RAB1B: variants seen among roughly 807,000 people sequenced by gnomAD.
The protein encoded by RAB1B is ras-related protein Rab-1B.
Under a neutral mutation model 24.8 loss-of-function variants are expected in RAB1B, and 10 were observed. The observed-to-expected ratio is 0.40, with a 90% CI of 0.25 to 0.68. The LOEUF (loss-of-function observed/expected upper bound fraction) is 0.68. Among genes scored for constraint, RAB1B ranks in the 30% least tolerant of loss-of-function variants. The pLI is 0.37. For synonymous variants in RAB1B, 99 were observed against 111.7 expected (o/e 0.89, Z 0.72); for missense variants, 154 against 271.2 (o/e 0.57, Z 3.04).
chr11:66,268,793 G>A (rs1856988452), intron 1 of RAB1B, 100 bp downstream of exon 1: 19 of 1,150,856 alleles, frequency 1.7e-5, no homozygotes, highest in Non-Finnish European at 2.0e-5. Context: ...ACTGTGCGGC[G>A]CCCCCACATC....
chr11:66,272,821 T>C (rs1025381991), intron 4 of RAB1B, among the ~76,000 whole-genome samples: 2 of 152,160 alleles, frequency 1.3e-5, no homozygotes, highest in African/African-American at 2.4e-5. Context: ...GGCCTGTGGC[T>C]TCCTGTGTGA....
rs181942452 is a variant in RAB1B, at chr11:66,276,248, A to T, written c.*10A>T. On this transcript the variant is annotated 3_prime_UTR_variant, in exon 6 of 6. Coordinates refer to ENST00000311481, the MANE Select transcript of RAB1B (RefSeq NM_030981.3). ...CGGTGGCTGTTGCTAGGAGGGGCAC[A>T]TGGAGTGGGACAGGAGGGGGCACCT... is the stretch of plus-strand genomic sequence containing the variant. The T allele has an allele frequency of 6.3e-7, 1 of 1,577,612 alleles. No homozygotes were observed. Among genetic ancestry groups the T allele is most frequent in the Non-Finnish European group, 8.6e-7 (1 of 1,166,066 alleles).
In RAB1B at chr11:66,276,515, A is replaced by G. The variant is rs368927222; in HGVS notation, c.*277A>G. The G allele has an allele frequency of 4.8e-6, 2 of 418,786 alleles. No individual in the cohort carries two copies. The highest frequency in any genetic ancestry group is 4.2e-5 in the African/African-American group (2 of 47,920). 25.9% of individuals were successfully genotyped at this position (418,786 alleles called of 1,614,324 possible). A position where few individuals can be genotyped will look rare whatever the true frequency, so the allele number is the denominator to read the frequency against. On this transcript the variant is annotated 3_prime_UTR_variant, in exon 6 of 6. Transcript: ENST00000311481. Reference sequence around the variant, plus strand: ...GACTTTCCAAGATGCCCCCCTACACACCTTTCTTTGGAACGAGGGCTCTTC... The same window carrying G: ...GACTTTCCAAGATGCCCCCCTACACGCCTTTCTTTGGAACGAGGGCTCTTC...
chr11:66,274,224 C>G (rs945120139), intron 4 of RAB1B, among the ~76,000 whole-genome samples: 5 of 152,190 alleles, frequency 3.3e-5, no homozygotes, highest in African/African-American at 7.2e-5. Context: ...CGAGTCCCCT[C>G]TATTCTCTCC....
At chr11:66,271,595 C>G (rs1314240948) in intron 1 of RAB1B, 6 of 485,964 alleles carry the variant, frequency 1.2e-5, no homozygotes, top group Non-Finnish European at 2.2e-5. Context: ...ACTTTGAGCC[C>G]GCAAGGTAGA....
At chr11:66,268,736 C>A (rs746856095) in intron 1 of RAB1B, 43 bp downstream of exon 1, 2 of 1,549,118 alleles carry the variant, frequency 1.3e-6, no homozygotes, top group East Asian at 2.5e-5. Flanking sequence ...GCCTCGATCC[C>A]GAATACAGGG....
In RAB1B at chr11:66,270,263, G is replaced by C. The variant is rs1416910684; in HGVS notation, c.15-1534G>C. On this transcript the variant is annotated intron_variant, in intron 1 of 5. Transcript: ENST00000311481. ...TGTTGTTGTTGTTGTTGTTGTTGTT[G>C]TTGTTGTTGTTGTTGTCTCCAAAGA... 4 of 151,446 alleles carry C rather than the reference G, an allele frequency of 2.6e-5. No individual in the cohort carries two copies. In the East Asian group the frequency reaches 7.7e-4, roughly 29 times the overall value. The allele number at this position is 151,446 out of a possible 1,614,324, so 9.4% of individuals were successfully genotyped here.
intron 4 of RAB1B, among the ~76,000 whole-genome samples, chr11:66,274,986 T>G (rs112485509): frequency 1.4e-3 from 217 of 152,196 alleles, no homozygotes; most frequent in South Asian, 1.7e-3. Flanking sequence ...CCCCAGCCCC[T>G]GCCTTCTAAC....
Position 66,272,522 on chromosome 11 carries a change from T to A in RAB1B, c.279+62T>A, listed in dbSNP as rs568601595. 2.8e-6 allele frequency: 3 copies of A among 1,086,102 alleles called. No homozygotes were observed. The Admixed American group carries it at 7.1e-5, about 26-fold the overall frequency. 67.3% of individuals were successfully genotyped at this position (1,086,102 alleles called of 1,614,324 possible). On this transcript the variant is annotated intron_variant, in intron 4 of 5. Coordinates refer to ENST00000311481, the MANE Select transcript of RAB1B (RefSeq NM_030981.3). ...TAGCCTTAGGTCTTTGACTCTTCTTTTTCCTCCTTCCATCCTCTCTTTCCT... is the reference window on the plus strand; with the variant it reads ...TAGCCTTAGGTCTTTGACTCTTCTTATTCCTCCTTCCATCCTCTCTTTCCT...
rs1857137945 is a variant in RAB1B, at chr11:66,276,034, C to G, written c.412-10C>G. The G allele has an allele frequency of 6.2e-7, 1 of 1,611,760 alleles. No homozygotes were observed. On this transcript the variant is annotated splice_polypyrimidine_tract_variant and intron_variant, in intron 5 of 5. Transcript: ENST00000311481. ...TCTCTCCCCTCCTCTTCTCTCCTCT[C>G]CCTTGTCAGGAGTTTGCAGACTCTC...
chr11:66,275,158 A>T (rs1857121644), intron 4 of RAB1B, among the ~76,000 whole-genome samples: 1 of 152,210 alleles, frequency 6.6e-6, no homozygotes, highest in South Asian at 2.1e-4. Flanking sequence ...TGATATGACC[A>T]GGCTTCTGGC....
In RAB1B at chr11:66,275,489, A is replaced by G. The variant is rs184964093; in HGVS notation, c.280-315A>G. ...CGTCCGCTCTCTCTTTGCTTCTCAC[A>G]TGTGGTTAGGGCCTGCAAGTGTCTC... On this transcript the variant is annotated intron_variant, in intron 4 of 5. Transcript: ENST00000311481. Among the ~76,000 whole-genome samples, 29 of 152,084 alleles carry G rather than the reference A, an allele frequency of 1.9e-4. No homozygotes were observed. The East Asian group carries it at 5.4e-3, about 28-fold the overall frequency.
intron 4 of RAB1B, among the ~76,000 whole-genome samples, chr11:66,275,306 T>C (rs899356641): frequency 1.1e-4 from 16 of 152,166 alleles, no homozygotes; most frequent in African/African-American, 3.9e-4. Context: ...GGATGAATTT[T>C]AGGCTGTTCC....
At chr11:66,270,089 G>A (rs1359770875) in intron 1 of RAB1B, 1 of 152,122 alleles carries the variant, frequency 6.6e-6, no homozygotes, top group Non-Finnish European at 1.5e-5. Flanking sequence ...TTCCCAGCCT[G>A]ATCTCAAACT....
At chr11:66,272,303 A>G (rs911167262) in intron 3 of RAB1B, 51 bp downstream of exon 3, 3 of 1,599,614 alleles carry the variant, frequency 1.9e-6, no homozygotes, top group Admixed American at 3.3e-5. Flanking sequence ...CCACCTTGGG[A>G]GGGAAGGGAC....
At chr11:66,273,153 T>G (rs767452152) in intron 4 of RAB1B, among the ~76,000 whole-genome samples, 2 of 152,230 alleles carry the variant, frequency 1.3e-5, no homozygotes, top group African/African-American at 2.4e-5. Flanking sequence ...GCAGAAAGCC[T>G]GGATGGCTCA....
At chr11:66,272,545 C>T (rs1857077484) in intron 4 of RAB1B, 85 bp downstream of exon 4, 4 of 874,752 alleles carry the variant, frequency 4.6e-6, no homozygotes, top group Non-Finnish European at 7.1e-6. Flanking sequence ...TCCTCTCTTT[C>T]CTGATGCTTC....
At chr11:66,274,914 T>C (rs1857117732) in intron 4 of RAB1B, among the ~76,000 whole-genome samples, 1 of 151,886 alleles carries the variant, frequency 6.6e-6, no homozygotes, top group African/African-American at 2.4e-5. Flanking sequence ...ACAAGGCCAG[T>C]TCCCACCTGC....
chr11:66,271,170 A>AC (rs1369461377), intron 1 of RAB1B: 2 of 152,478 alleles, frequency 1.3e-5, no homozygotes, highest in Non-Finnish European at 1.5e-5. Context: ...ACATAGTGAG[A>AC]CCCCATCTCT....
Sources: gnomAD v4.1 joint callset for allele counts (sites outside exome capture counted in the v4.1 genomes callset) on GRCh38, gnomAD v4.1.1 for gene constraint, MANE v1.5 for transcripts, NCBI Gene and HGNC (gene_info 2026-07-23, HGNC 2026-07-21) for gene names.